The following MARCHF4 variants were observed in gnomAD, a reference collection of about 807,000 sequenced individuals.
The protein encoded by MARCHF4 is membrane associated ring-CH-type finger 4.
MARCHF4 carries 14 observed loss-of-function variants against 43.9 expected under a neutral mutation model. The ratio of observed to expected loss-of-function variants is 0.32; its 90% confidence interval spans 0.21 to 0.50. The LOEUF (loss-of-function observed/expected upper bound fraction) is 0.50, where lower values mean the gene tolerates loss of function less well. MARCHF4 is among the 20% of genes least tolerant of loss of function. MARCHF4 has a pLI of 0.98. For missense variants in MARCHF4, 468 were observed against 536.7 expected (o/e 0.87, Z 1.27); for synonymous variants, 226 against 213.3 (o/e 1.06, Z -0.52).
intron 3 of MARCHF4, among the ~76,000 whole-genome samples, chr2:216,261,454 T>C (rs1690742138): frequency 6.6e-6 from 1 of 152,200 alleles, no homozygotes; most frequent in South Asian, 2.1e-4. Flanking sequence ...ACCTGAATAA[T>C]CCAGGATACT....
intron 1 of MARCHF4, among the ~76,000 whole-genome samples, chr2:216,312,298 TTA>T (rs1294368954): frequency 6.6e-6 from 1 of 152,250 alleles, no homozygotes; most frequent in Non-Finnish European, 1.5e-5. Flanking sequence ...TTCATTCTTT[TTA>T]TGTCTATGTA....
chr2:216,351,227 T>G (rs564237750), intron 1 of MARCHF4, among the ~76,000 whole-genome samples: 3 of 152,344 alleles, frequency 2.0e-5, no homozygotes, highest in Admixed American at 6.5e-5. Flanking sequence ...GGAGTCCCAC[T>G]GCATGCCAGG....
intron 3 of MARCHF4, among the ~76,000 whole-genome samples, chr2:216,261,152 A>G (rs1690737622): frequency 6.6e-6 from 1 of 152,180 alleles, no homozygotes; most frequent in Admixed American, 6.5e-5. Flanking sequence ...CACATCTAGT[A>G]GCTTAAAATG....
At chr2:216,270,081 AT>A (rs143705045) in intron 3 of MARCHF4, among the ~76,000 whole-genome samples, 3,053 of 148,552 alleles carry the variant, frequency 0.021, 93 homozygotes, top group African/African-American at 0.068. Context: ...TCCACCAGAA[AT>A]TTTTTTTTTT....
intron 2 of MARCHF4, among the ~76,000 whole-genome samples, chr2:216,280,999 G>A (rs1390953210): frequency 1.3e-5 from 2 of 151,218 alleles, no homozygotes; most frequent in African/African-American, 4.9e-5. Flanking sequence ...TATTGCTTCT[G>A]GAGGGTCGCT....
chr2:216,345,407 T>C (rs1692304673), intron 1 of MARCHF4, among the ~76,000 whole-genome samples: 1 of 152,148 alleles, frequency 6.6e-6, no homozygotes, highest in African/African-American at 2.4e-5. Context: ...TTCTTTTAGA[T>C]TTCTGATTCT....
intron 1 of MARCHF4, among the ~76,000 whole-genome samples, chr2:216,287,435 A>G (rs1182179522): frequency 4.6e-5 from 7 of 151,956 alleles, no homozygotes; most frequent in Admixed American, 3.9e-4. Context: ...GGCACCAGAC[A>G]CTTCCTCAAT....
chr2:216,262,140 A>G (rs1690751570), intron 3 of MARCHF4, among the ~76,000 whole-genome samples: 1 of 152,226 alleles, frequency 6.6e-6, no homozygotes, highest in African/African-American at 2.4e-5. Flanking sequence ...AGGAAGTGTT[A>G]AAGATTTGTG....
intron 1 of MARCHF4, among the ~76,000 whole-genome samples, chr2:216,314,232 TA>T (rs1166207511): frequency 1.3e-5 from 2 of 152,178 alleles, no homozygotes; most frequent in Non-Finnish European, 2.9e-5. Context: ...GTTAGGTTCT[TA>T]AAATGAAAAA....
chr2:216,324,807 T>A (rs202197392), intron 1 of MARCHF4, among the ~76,000 whole-genome samples: 25,663 of 77,474 alleles, frequency 0.33, 6,817 homozygotes, highest in East Asian at 0.53. Flanking sequence ...TATTGATGGG[T>A]CGTATCTCAA....
At chr2:216,266,801 A>C (rs1690852268) in intron 3 of MARCHF4, among the ~76,000 whole-genome samples, 1 of 152,196 alleles carries the variant, frequency 6.6e-6, no homozygotes, top group African/African-American at 2.4e-5. Flanking sequence ...GGGTGAGTTC[A>C]GGGGGTACTG....
chr2:216,302,463 C>T (rs1252447979), intron 1 of MARCHF4, among the ~76,000 whole-genome samples: 3 of 150,942 alleles, frequency 2.0e-5, no homozygotes, highest in Admixed American at 6.6e-5. Flanking sequence ...CTCCTGACCT[C>T]GTGATCCACC....
chr2:216,284,821 CCTGG>C (rs1426938934), intron 1 of MARCHF4, among the ~76,000 whole-genome samples: 1 of 152,118 alleles, frequency 6.6e-6, no homozygotes, highest in Middle Eastern at 3.2e-3. Context: ...CTCATTGTGG[CCTGG>C]CTGAGGTTTG....
At chr2:216,299,591 C>T (rs927913929) in intron 1 of MARCHF4, among the ~76,000 whole-genome samples, 1 of 152,200 alleles carries the variant, frequency 6.6e-6, no homozygotes, top group African/African-American at 2.4e-5. Context: ...GCAATTTCAG[C>T]CTTTTCCTAT....
At chr2:216,310,992 A>C (rs938357287) in intron 1 of MARCHF4, among the ~76,000 whole-genome samples, 36 of 152,336 alleles carry the variant, frequency 2.4e-4, no homozygotes, top group Admixed American at 7.2e-4. Context: ...GATTATAAAG[A>C]AGTCAAATAC....
intron 1 of MARCHF4, among the ~76,000 whole-genome samples, chr2:216,318,674 C>T (rs1420481921): frequency 1.3e-5 from 2 of 152,050 alleles, no homozygotes; most frequent in African/African-American, 4.8e-5. Context: ...AAGAGGCTGC[C>T]GTGAATGAGA....
rs747834194 is a variant in MARCHF4, at chr2:216,277,668, C to T, written c.865+4G>A. On this transcript the variant is annotated splice_donor_region_variant and intron_variant, in intron 3 of 3. Transcript: ENST00000273067. ...TTCCCATGGAGACAAACCCCCAGAC[C>T]CACCTATGCACACCACGTCCATGAA... 9 of 1,593,616 alleles carry T rather than the reference C, an allele frequency of 5.6e-6. No homozygotes were observed. Among genetic ancestry groups the T allele is most frequent in the Non-Finnish European group, 7.7e-6 (9 of 1,164,370 alleles).
intron 1 of MARCHF4, among the ~76,000 whole-genome samples, chr2:216,361,226 TAAAGATATA>T (rs879384147): frequency 0.08 from 12,176 of 152,180 alleles, 706 homozygotes; most frequent in South Asian, 0.24. Flanking sequence ...AGAAAGGTGT[TAAAGATATA>T]TTATCACTAT....
chr2:216,299,899 T>C (rs1026089749), intron 1 of MARCHF4, among the ~76,000 whole-genome samples: 16 of 152,220 alleles, frequency 1.1e-4, no homozygotes, highest in African/African-American at 3.9e-4. Flanking sequence ...CTTGCTTGCC[T>C]GAAGGCAGAA....
Sources: gnomAD v4.1 joint callset for allele counts (sites outside exome capture counted in the v4.1 genomes callset) on GRCh38, gnomAD v4.1.1 for gene constraint, MANE v1.5 for transcripts, NCBI Gene and HGNC (gene_info 2026-07-23, HGNC 2026-07-21) for gene names.